The following FUT8 variants were observed in gnomAD, a reference collection of about 807,000 sequenced individuals.
FUT8 encodes fucosyltransferase 8.
In FUT8, 29 loss-of-function variants were observed where a neutral mutation model predicts 71.3. The observed-to-expected ratio is 0.41, with a 90% CI of 0.30 to 0.55. FUT8 has a LOEUF of 0.55. FUT8 is among the 20% of genes least tolerant of loss of function. The pLI is 0.34. For synonymous variants in FUT8, 254 were observed against 239.3 expected (o/e 1.06, Z -0.57); for missense variants, 544 against 702.1 (o/e 0.77, Z 2.55).
chr14:65,682,195 A>G (rs1893068456), intron 7 of FUT8, among the ~76,000 whole-genome samples: 1 of 152,208 alleles, frequency 6.6e-6, no homozygotes, highest in African/African-American at 2.4e-5. Context: ...ATGTTATTAT[A>G]AAGATTTAAA....
chr14:65,552,177 A>C (rs888655787), intron 2 of FUT8, among the ~76,000 whole-genome samples: 6 of 152,172 alleles, frequency 3.9e-5, no homozygotes, highest in African/African-American at 1.4e-4. Context: ...AATAGTTTAT[A>C]TTCAGTTTCT....
intron 1 of FUT8, among the ~76,000 whole-genome samples, chr14:65,429,357 A>AG (rs1188331532): frequency 1.3e-5 from 2 of 152,170 alleles, no homozygotes; most frequent in Non-Finnish European, 2.9e-5. Flanking sequence ...CAGACACTGG[A>AG]GGAGGGGAAT....
chr14:65,690,190 A>G (rs898932733), intron 7 of FUT8, among the ~76,000 whole-genome samples: 5 of 152,124 alleles, frequency 3.3e-5, no homozygotes, highest in Non-Finnish European at 5.9e-5. Flanking sequence ...TCAGTTGACC[A>G]TCTCTATGTG....
intron 6 of FUT8, among the ~76,000 whole-genome samples, chr14:65,668,875 T>G (rs1892342426): frequency 6.6e-6 from 1 of 152,176 alleles, no homozygotes; most frequent in Non-Finnish European, 1.5e-5. Context: ...TCATGTCCTT[T>G]GCAGCAACAT....
intron 1 of FUT8, among the ~76,000 whole-genome samples, chr14:65,437,393 A>G (rs1163498854): frequency 6.6e-6 from 1 of 152,160 alleles, no homozygotes; most frequent in Non-Finnish European, 1.5e-5. Context: ...TATTGTTTTT[A>G]TTTTGTATTT....
chr14:65,645,819 C>CA (rs1277678886), intron 6 of FUT8: 1 of 152,152 alleles, frequency 6.6e-6, no homozygotes, highest in African/African-American at 2.4e-5. Context: ...AACCATGGGA[C>CA]ACATTCATAT....
At chr14:65,517,063 A>G (rs1882759378) in intron 2 of FUT8, among the ~76,000 whole-genome samples, 1 of 151,768 alleles carries the variant, frequency 6.6e-6, no homozygotes, top group African/African-American at 2.4e-5. Flanking sequence ...CTATTTCACG[A>G]TGATTAATAT....
intron 7 of FUT8, among the ~76,000 whole-genome samples, chr14:65,694,841 A>G (rs1893903837): frequency 1.4e-5 from 2 of 143,370 alleles, no homozygotes; most frequent in South Asian, 4.4e-4. Flanking sequence ...GGAATTGAAC[A>G]ATGAGAACAC....
chr14:65,377,572 G>A, the FUT8 span, among the ~76,000 whole-genome samples: 2 of 152,156 alleles, frequency 1.3e-5, no homozygotes, highest in Non-Finnish European at 2.9e-5. Context: ...TGGAAAAATA[G>A]TCATTCCCAA....
At chr14:65,479,117 C>T (rs1365896149) in intron 2 of FUT8, among the ~76,000 whole-genome samples, 1 of 152,178 alleles carries the variant, frequency 6.6e-6, no homozygotes, top group Non-Finnish European at 1.5e-5. Context: ...TCCTTCAATA[C>T]ATACATTCAT....
chr14:65,617,453 T>C lies in FUT8; in HGVS notation c.482+1080T>C, dbSNP rs531865851. Reference sequence around the variant, plus strand: ...CACTAAACCAAATGCTGACTAATTCTGTCATTAATATTTCTCTACCCTAAA... The same window carrying C: ...CACTAAACCAAATGCTGACTAATTCCGTCATTAATATTTCTCTACCCTAAA... On this transcript the variant is annotated intron_variant, in intron 5 of 10. Transcript: ENST00000673929. 3.3e-5 allele frequency among the ~76,000 whole-genome samples: 5 copies of C among 152,328 alleles called. No homozygotes were observed. In the East Asian group the frequency reaches 7.7e-4, roughly 24 times the overall value.
chr14:65,647,562 G>A (rs952412978), intron 6 of FUT8, among the ~76,000 whole-genome samples: 2 of 152,142 alleles, frequency 1.3e-5, no homozygotes, highest in African/African-American at 4.8e-5. Flanking sequence ...TCAGAGGTAT[G>A]GGTAGAAAGC....
chr14:65,733,100 C>T, intron 9 of FUT8, 131 bp from the exon 10 acceptor site: 1 of 533,276 alleles, frequency 1.9e-6, no homozygotes, highest in South Asian at 3.5e-5. Flanking sequence ...TATGTCTCAT[C>T]AACTACAGTA....
chr14:65,387,100 C>T, the FUT8 span, among the ~76,000 whole-genome samples: 1 of 152,080 alleles, frequency 6.6e-6, no homozygotes, highest in Non-Finnish European at 1.5e-5. Context: ...CCTTGGCCTT[C>T]CAAAGTGCTG....
the FUT8 span, among the ~76,000 whole-genome samples, chr14:65,387,203 A>G: frequency 3.3e-5 from 5 of 152,184 alleles, no homozygotes; most frequent in Non-Finnish European, 7.3e-5. Context: ...AATTTAAGTG[A>G]CTTGGAAACA....
intron 7 of FUT8, among the ~76,000 whole-genome samples, chr14:65,679,156 A>G (rs1391115637): frequency 6.6e-6 from 1 of 152,214 alleles, no homozygotes; most frequent in Non-Finnish European, 1.5e-5. Flanking sequence ...GTGTTCACTG[A>G]AATCAAGTGT....
chr14:65,650,707 C>CAAAAAAAAAA (rs57971519), intron 6 of FUT8, among the ~76,000 whole-genome samples: 74 of 118,916 alleles, frequency 6.2e-4, no homozygotes, highest in African/African-American at 1.6e-3. Context: ...CTGCTAATTA[C>CAAAAAAAAAA]AAAAAAAAAA....
intron 6 of FUT8, among the ~76,000 whole-genome samples, chr14:65,645,401 T>G (rs1367258782): frequency 6.6e-6 from 1 of 152,232 alleles, no homozygotes; most frequent in Non-Finnish European, 1.5e-5. Context: ...TTTGTAATGT[T>G]TTCTGTAAAG....
At chr14:65,364,366 G>C in the FUT8 span, among the ~76,000 whole-genome samples, 6 of 152,124 alleles carry the variant, frequency 3.9e-5, no homozygotes, top group Admixed American at 6.5e-5. Flanking sequence ...ACCATGCCCA[G>C]CTAATTTTGT....
Sources: gnomAD v4.1 joint callset for allele counts (sites outside exome capture counted in the v4.1 genomes callset) on GRCh38, gnomAD v4.1.1 for gene constraint, MANE v1.5 for transcripts, NCBI Gene and HGNC (gene_info 2026-07-23, HGNC 2026-07-21) for gene names.